ASIC2: variants seen among roughly 807,000 people sequenced by gnomAD.
The protein encoded by ASIC2 is acid-sensing ion channel 2.
Under a neutral mutation model 57.3 loss-of-function variants are expected in ASIC2, and 25 were observed. That is an observed-to-expected ratio of 0.44 (90% CI 0.32 to 0.61). The LOEUF (loss-of-function observed/expected upper bound fraction) is 0.61, where lower values mean the gene tolerates loss of function less well. Among genes scored for constraint, ASIC2 ranks in the 20% least tolerant of loss-of-function variants. The pLI, the probability that ASIC2 is intolerant of heterozygous loss-of-function variation, is 0.06. For synonymous variants in ASIC2, 319 were observed against 307.5 expected (o/e 1.04, Z -0.39); for missense variants, 641 against 738.1 (o/e 0.87, Z 1.52).
At chr17:34,147,557 AT>A (rs1912452061) in intron 1 of ASIC2, among the ~76,000 whole-genome samples, 1 of 152,190 alleles carries the variant, frequency 6.6e-6, no homozygotes. Flanking sequence ...ACCATGTAGT[AT>A]TTCTGAGCAT....
intron 3 of ASIC2, among the ~76,000 whole-genome samples, chr17:33,034,029 CT>C (rs1351549801): frequency 6.6e-6 from 1 of 152,100 alleles, no homozygotes; most frequent in Non-Finnish European, 1.5e-5. Context: ...CCACTGAGAG[CT>C]GCAGAGATGG....
At chr17:34,099,117 AGAGAGAGAGAGAGAGAGAGAG>A (rs1567820618) in intron 1 of ASIC2, among the ~76,000 whole-genome samples, 8 of 27,130 alleles carry the variant, frequency 2.9e-4, no homozygotes, top group African/African-American at 1.0e-3. Flanking sequence ...AGAGAGAGAG[AGAGAGAGAGAGAGAGAGAGAG>A]AGAGAGACAG....
intron 1 of ASIC2, chr17:34,039,722 C>T (rs117989496): frequency 6.2e-7 from 1 of 1,612,362 alleles, no homozygotes; most frequent in African/African-American, 1.3e-5. Flanking sequence ...TTGGGAGTCT[C>T]TACTTCTTTA....
chr17:33,688,279 G>C (rs1481186456), intron 1 of ASIC2, among the ~76,000 whole-genome samples: 1 of 152,138 alleles, frequency 6.6e-6, no homozygotes, highest in Admixed American at 6.5e-5. Flanking sequence ...AACTTAATGG[G>C]GCAACTGTTC....
chr17:33,849,631 T>A (rs1913710237), intron 1 of ASIC2, among the ~76,000 whole-genome samples: 1 of 151,722 alleles, frequency 6.6e-6, no homozygotes. Flanking sequence ...TCCCCTTGAG[T>A]ATGGAAGGGT....
chr17:34,041,342 A>G (rs941431405), intron 1 of ASIC2: 2 of 152,214 alleles, frequency 1.3e-5, no homozygotes, highest in Non-Finnish European at 2.9e-5. Context: ...ACAGTCTTGA[A>G]TCATGACAAG....
At chr17:33,519,825 A>AC (rs1914688322) in intron 1 of ASIC2, among the ~76,000 whole-genome samples, 1 of 152,218 alleles carries the variant, frequency 6.6e-6, no homozygotes, top group Non-Finnish European at 1.5e-5. Context: ...GGTTGCTGTA[A>AC]CCGAGAGTGA....
rs182224411 is a variant in ASIC2, at chr17:34,103,356, G to A, written c.555+52622C>T. Among the ~76,000 whole-genome samples the A allele has an allele frequency of 1.8e-3, 276 of 151,988 alleles. 1 individual carries two copies. The highest frequency in any genetic ancestry group is 2.6e-3 in the Non-Finnish European group (179 of 67,948). On this transcript the variant is annotated intron_variant, in intron 1 of 9. Coordinates refer to the ASIC2 transcript ENST00000359872. ...ATTTGCAGAGATGGGGTCTCATTAT[G>A]TTGCCCAGGCTGGTCTCAAATTCCT...
At chr17:33,977,186 A>G (rs1905423398) in intron 1 of ASIC2, among the ~76,000 whole-genome samples, 1 of 151,964 alleles carries the variant, frequency 6.6e-6, no homozygotes, top group African/African-American at 2.4e-5. Context: ...CACCGGGGGC[A>G]TTTCCTATGG....
intron 1 of ASIC2, among the ~76,000 whole-genome samples, chr17:33,477,949 T>C (rs1274783927): frequency 6.6e-6 from 1 of 152,210 alleles, no homozygotes; most frequent in Non-Finnish European, 1.5e-5. Context: ...GTTGGAAAAG[T>C]AGCCTGGGAT....
intron 1 of ASIC2, among the ~76,000 whole-genome samples, chr17:33,266,427 G>C (rs1174323536): frequency 1.3e-5 from 2 of 152,170 alleles, no homozygotes; most frequent in African/African-American, 2.4e-5. Flanking sequence ...AAAAACAACA[G>C]ATTCCCAGTT....
intron 1 of ASIC2, among the ~76,000 whole-genome samples, chr17:33,943,249 G>T (rs940003330): frequency 1.3e-5 from 2 of 152,212 alleles, no homozygotes; most frequent in Non-Finnish European, 2.9e-5. Context: ...GAGGAGAAGC[G>T]CAGGGAAGAA....
At chr17:33,558,795 CTGT>C (rs753899021) in intron 1 of ASIC2, among the ~76,000 whole-genome samples, 20 of 152,066 alleles carry the variant, frequency 1.3e-4, no homozygotes, top group South Asian at 4.1e-4. Context: ...ATGATCCTTA[CTGT>C]TGTTGTTTTT....
At chr17:33,685,206 C>T (rs990790507) in intron 1 of ASIC2, among the ~76,000 whole-genome samples, 3 of 152,258 alleles carry the variant, frequency 2.0e-5, no homozygotes, top group East Asian at 1.9e-4. Flanking sequence ...GCAGCAGGTG[C>T]GTTTGTTGCT....
intron 1 of ASIC2, among the ~76,000 whole-genome samples, chr17:33,349,971 T>G (rs1247884055): frequency 6.6e-6 from 1 of 152,202 alleles, no homozygotes; most frequent in African/African-American, 2.4e-5. Flanking sequence ...GCTAATGTGT[T>G]CTGGGAATTG....
intron 1 of ASIC2, among the ~76,000 whole-genome samples, chr17:33,301,013 T>C (rs571397184): frequency 2.3e-4 from 5 of 21,462 alleles, no homozygotes; most frequent in African/African-American, 1.3e-3. Flanking sequence ...TTTATTCATT[T>C]ATTTATTTAT....
chr17:33,426,411 A>G (rs962730303), intron 1 of ASIC2, among the ~76,000 whole-genome samples: 1 of 152,246 alleles, frequency 6.6e-6, no homozygotes, highest in African/African-American at 2.4e-5. Flanking sequence ...GCAGGAGCCC[A>G]GTCATCCCTT....
intron 1 of ASIC2, among the ~76,000 whole-genome samples, chr17:33,213,635 T>C (rs1378818494): frequency 6.6e-6 from 1 of 152,206 alleles, no homozygotes; most frequent in African/African-American, 2.4e-5. Context: ...GTTTCAACTT[T>C]AGCTTTCTGA....
intron 1 of ASIC2, among the ~76,000 whole-genome samples, chr17:33,590,126 A>G (rs1079142): frequency 0.031 from 4,647 of 152,220 alleles, 178 homozygotes; most frequent in African/African-American, 0.091. Flanking sequence ...TCATTCAGGA[A>G]AAGAGGGTGG....
Sources: gnomAD v4.1 joint callset for allele counts (sites outside exome capture counted in the v4.1 genomes callset) on GRCh38, gnomAD v4.1.1 for gene constraint, MANE v1.5 for transcripts, NCBI Gene and HGNC (gene_info 2026-07-23, HGNC 2026-07-21) for gene names.